Variants in RAB10 observed in about 807,000 individuals in gnomAD.
RAB10 encodes ras-related protein Rab-10.
Under a neutral mutation model 25.7 loss-of-function variants are expected in RAB10, and 5 were observed. The observed-to-expected ratio is 0.19, with a 90% CI of 0.10 to 0.41. RAB10 has a LOEUF of 0.41. RAB10 is among the 10% of genes least tolerant of loss of function. The pLI, the probability that RAB10 is intolerant of heterozygous loss-of-function variation, is 1.00. For missense variants in RAB10, 103 were observed against 245.8 expected (o/e 0.42, Z 3.89); for synonymous variants, 89 against 86.4 (o/e 1.03, Z -0.16).
At chr2:26,072,215 G>A (rs1189176497) in intron 1 of RAB10, among the ~76,000 whole-genome samples, 1 of 152,098 alleles carries the variant, frequency 6.6e-6, no homozygotes, top group Non-Finnish European at 1.5e-5. Flanking sequence ...TCAAGAGATT[G>A]AGACCATCCT....
intron 1 of RAB10, among the ~76,000 whole-genome samples, chr2:26,070,193 T>G (rs572047546): frequency 7.9e-4 from 120 of 152,302 alleles, no homozygotes; most frequent in Non-Finnish European, 1.2e-3. Context: ...CTTCTTGGCC[T>G]CAGTTTTTCA....
intron 3 of RAB10, among the ~76,000 whole-genome samples, 174 bp from the exon 4 acceptor site, chr2:26,126,970 A>G (rs968729726): frequency 4.6e-5 from 7 of 152,240 alleles, no homozygotes; most frequent in African/African-American, 1.4e-4. Flanking sequence ...TTCTTTTGCT[A>G]GGTAATCTAA....
chr2:26,034,489 C>G lies in RAB10; in HGVS notation c.-120C>G. On this transcript the variant is annotated 5_prime_UTR_variant, in exon 1 of 6. Transcript: ENST00000264710. ...CGTAGGTCGCCCGCGCCGTCTCGAG[C>G]CTTTTTCCCACGCTTCCCCGGTCCT... 7.2e-7 allele frequency: 1 copy of G among 1,396,808 alleles called. No individual in the cohort carries two copies. The highest frequency in any genetic ancestry group is 2.6e-4 in the Middle Eastern group (1 of 3,844). The allele number at this position is 1,396,808 out of a possible 1,614,324, so 86.5% of individuals were successfully genotyped here.
intron 1 of RAB10, among the ~76,000 whole-genome samples, chr2:26,037,418 C>G (rs1347417267): frequency 1.3e-5 from 2 of 152,068 alleles, no homozygotes; most frequent in Non-Finnish European, 2.9e-5. Context: ...GCAGGCGGAT[C>G]ACCTGAGGTC....
At chr2:26,127,459 C>T (rs1667928148) in intron 4 of RAB10, among the ~76,000 whole-genome samples, 1 of 151,984 alleles carries the variant, frequency 6.6e-6, no homozygotes, top group Non-Finnish European at 1.5e-5. Flanking sequence ...CTTATTTAAA[C>T]TACAAAGAGA....
At chr2:26,106,366 T>G (rs1459923255) in intron 2 of RAB10, among the ~76,000 whole-genome samples, 1 of 152,150 alleles carries the variant, frequency 6.6e-6, no homozygotes, top group African/African-American at 2.4e-5. Context: ...TCTAGGACAG[T>G]ATGGTAATGG....
chr2:26,116,701 C>T (rs1488228390), intron 3 of RAB10, among the ~76,000 whole-genome samples: 1 of 151,852 alleles, frequency 6.6e-6, no homozygotes, highest in East Asian at 1.9e-4. Flanking sequence ...GGACTACAGG[C>T]ACCCGCCACC....
intron 1 of RAB10, among the ~76,000 whole-genome samples, chr2:26,047,061 C>T (rs1390362177): frequency 6.6e-6 from 1 of 152,054 alleles, no homozygotes; most frequent in African/African-American, 2.4e-5. Flanking sequence ...AGTACACCAG[C>T]CTTATTAAAA....
chr2:26,059,089 C>A (rs1344082226), intron 1 of RAB10, among the ~76,000 whole-genome samples: 1 of 152,142 alleles, frequency 6.6e-6, no homozygotes, highest in Non-Finnish European at 1.5e-5. Context: ...TTTAACAGTT[C>A]TGTATCTTAA....
At chr2:26,061,092 C>CTTTTTTTTTTTTTTT (rs5829993) in intron 1 of RAB10, among the ~76,000 whole-genome samples, 348 of 83,560 alleles carry the variant, frequency 4.2e-3, no homozygotes, top group Middle Eastern at 0.021. Flanking sequence ...TTATCTCTGT[C>CTTTTTTTTTTTTTTT]TTTTTTTTTT....
intron 1 of RAB10, among the ~76,000 whole-genome samples, chr2:26,055,529 A>G (rs1442819900): frequency 2.6e-5 from 4 of 151,972 alleles, no homozygotes; most frequent in Non-Finnish European, 5.9e-5. Flanking sequence ...CTGGGACTAC[A>G]GGTGCACACC....
intron 1 of RAB10, among the ~76,000 whole-genome samples, chr2:26,077,040 T>G (rs1409325480): frequency 6.6e-6 from 1 of 152,052 alleles, no homozygotes; most frequent in East Asian, 1.9e-4. Flanking sequence ...CTCAAGGAAT[T>G]AATTACACAT....
At chr2:26,048,375 A>G (rs929254662) in intron 1 of RAB10, among the ~76,000 whole-genome samples, 3 of 152,166 alleles carry the variant, frequency 2.0e-5, no homozygotes, top group African/African-American at 7.2e-5. Flanking sequence ...GCATTTGATA[A>G]TGTTATCATA....
At chr2:26,074,493 A>G (rs759733252) in intron 1 of RAB10, among the ~76,000 whole-genome samples, 13 of 152,138 alleles carry the variant, frequency 8.5e-5, no homozygotes, top group East Asian at 1.9e-4. Context: ...ATCTTGGCTC[A>G]CTGCAACCTC....
intron 3 of RAB10, among the ~76,000 whole-genome samples, chr2:26,124,389 C>CCTTTTTTT (rs1667864514): frequency 5.1e-5 from 1 of 19,666 alleles, no homozygotes; most frequent in Non-Finnish European, 8.5e-5. Context: ...GTTGTTGTTG[C>CCTTTTTTT]TTTTTTTTTT....
chr2:26,131,752 C>T (rs1668017509), intron 5 of RAB10, among the ~76,000 whole-genome samples: 1 of 152,050 alleles, frequency 6.6e-6, no homozygotes, highest in Non-Finnish European at 1.5e-5. Flanking sequence ...CCCACCCCAC[C>T]CCCACAACCT....
intron 1 of RAB10, among the ~76,000 whole-genome samples, chr2:26,051,454 T>C (rs911896277): frequency 3.6e-5 from 5 of 139,182 alleles, no homozygotes; most frequent in African/African-American, 1.3e-4. Flanking sequence ...TAATTAAGAA[T>C]GAGTCATTAA....
intron 5 of RAB10, among the ~76,000 whole-genome samples, chr2:26,131,644 A>G (rs757316419): frequency 5.3e-5 from 8 of 152,148 alleles, no homozygotes; most frequent in Non-Finnish European, 1.2e-4. Flanking sequence ...TAATTCCCTC[A>G]ATGTTACCAA....
chr2:26,055,083 GA>G (rs145950512), intron 1 of RAB10, among the ~76,000 whole-genome samples: 5,242 of 148,122 alleles, frequency 0.035, 203 homozygotes, highest in African/African-American at 0.09. Flanking sequence ...GCCATTTATT[GA>G]AAAAAAAAAT....
Sources: allele counts gnomAD v4.1 joint callset (sites outside exome capture counted in the v4.1 genomes callset), GRCh38; gene constraint gnomAD v4.1.1; transcripts MANE v1.5; gene names NCBI Gene and HGNC (gene_info 2026-07-23, HGNC 2026-07-21).